MMP24: variants seen among roughly 807,000 people sequenced by gnomAD.
MMP24 encodes matrix metallopeptidase 24.
In MMP24, 25 loss-of-function variants were observed where a neutral mutation model predicts 62.8. The ratio of observed to expected loss-of-function variants is 0.40; its 90% confidence interval spans 0.29 to 0.56. MMP24 has a LOEUF of 0.56. Among genes scored for constraint, MMP24 ranks in the 20% least tolerant of loss-of-function variants. MMP24 has a pLI of 0.50. For missense variants in MMP24, 634 were observed against 853.6 expected, an observed-to-expected ratio of 0.74 and a Z score of 3.21; for synonymous variants, 319 against 350.5, an observed-to-expected ratio of 0.91 and a Z score of 1.00.
intron 4 of MMP24, among the ~76,000 whole-genome samples, chr20:35,261,449 G>A (rs1367865082): frequency 1.3e-5 from 2 of 152,192 alleles, no homozygotes; most frequent in Admixed American, 6.5e-5. Context: ...AGGACATTGA[G>A]GCTTAGGGGT....
intron 1 of MMP24, among the ~76,000 whole-genome samples, chr20:35,234,222 C>T (rs774754820): frequency 2.6e-5 from 4 of 152,182 alleles, no homozygotes; most frequent in Non-Finnish European, 5.9e-5. Context: ...TGTTCATTCA[C>T]AGATGTCAGC....
chr20:35,227,723 G>A (rs1336822521), intron 1 of MMP24, among the ~76,000 whole-genome samples: 1 of 152,126 alleles, frequency 6.6e-6, no homozygotes, highest in African/African-American at 2.4e-5. Context: ...CACTCACTAT[G>A]TGCCAGGCCT....
chr20:35,270,441 A>T (rs1338082753), intron 7 of MMP24, among the ~76,000 whole-genome samples: 2 of 152,268 alleles, frequency 1.3e-5, no homozygotes, highest in East Asian at 1.9e-4. Flanking sequence ...CCTGATGGCC[A>T]CGGAGGCCCC....
At chr20:35,233,799 C>T (rs1270101603) in intron 1 of MMP24, among the ~76,000 whole-genome samples, 2 of 152,148 alleles carry the variant, frequency 1.3e-5, no homozygotes, top group Non-Finnish European at 2.9e-5. Context: ...GCCTGTGCAA[C>T]ATGGCAAAAC....
At position 35,274,845 on chromosome 20, in the gene MMP24, T is replaced by C. The variant is rs1295157944; in HGVS notation, c.*236T>C. ...TGCCAGCCTTCTGTCCTGGGCAAAC[T>C]ACTCCCTACTTAAGGGAATAGGCCA... On this transcript the variant is annotated 3_prime_UTR_variant, in exon 9 of 9. Coordinates refer to ENST00000246186, the MANE Select transcript of MMP24 (RefSeq NM_006690.4). The surrounding 1 kb of genome is among the most constrained non-coding windows in gnomAD (Gnocchi z 5.1). The C allele has an allele frequency of 5.4e-6, 3 of 557,106 alleles. No homozygotes were observed. The East Asian group carries it at 9.1e-5, about 17-fold the overall frequency. The allele number at this position is 557,106 out of a possible 1,614,324, so 34.5% of individuals were successfully genotyped here.
intron 1 of MMP24, among the ~76,000 whole-genome samples, chr20:35,244,376 A>T (rs1253632591): frequency 6.6e-6 from 1 of 151,922 alleles, no homozygotes; most frequent in Non-Finnish European, 1.5e-5. Flanking sequence ...CTGATGCCAC[A>T]CATATTTCCT....
chr20:35,227,097 C>A (rs2060417217), intron 1 of MMP24, 113 bp downstream of exon 1: 1 of 873,438 alleles, frequency 1.1e-6, no homozygotes, highest in Non-Finnish European at 1.4e-6. Context: ...GTCGCGGAGG[C>A]GGCGCGCCGG....
chr20:35,250,149 T>TTGA (rs1362755395), intron 2 of MMP24, among the ~76,000 whole-genome samples: 2 of 152,030 alleles, frequency 1.3e-5, no homozygotes, highest in African/African-American at 2.4e-5. Context: ...AGATAGGGTT[T>TTGA]TGCCATGTTG....
chr20:35,257,757 A>C (rs1056087685), intron 4 of MMP24, among the ~76,000 whole-genome samples: 3 of 152,192 alleles, frequency 2.0e-5, no homozygotes, highest in Non-Finnish European at 2.9e-5. Context: ...TTCATGAAAG[A>C]CTGCCAATTC....
chr20:35,271,630 G>A lies in MMP24; in HGVS notation c.1395G>A (p.Gly465=), dbSNP rs1464489370. Residue 465 remains glycine (G), a synonymous_variant, in exon 8 of 9, where the codon GGG becomes GGA. Coordinates refer to ENST00000246186, the MANE Select transcript of MMP24 (RefSeq NM_006690.4). The surrounding 1 kb of genome is among the most constrained non-coding windows in gnomAD (Gnocchi z 4.0). The part of the protein sequence containing the change: ...TVEPGYPHSL[G]ELGSCLPREG... ...AGCCTGGGTACCCCCACAGCCTGGGGGAGCTGGGCAGCTGTTTGCCCCGTG... is the reference window on the plus strand; with the variant it reads ...AGCCTGGGTACCCCCACAGCCTGGGAGAGCTGGGCAGCTGTTTGCCCCGTG... The A allele has an allele frequency of 6.2e-7, 1 of 1,611,948 alleles. No homozygotes were observed. Among genetic ancestry groups the A allele is most frequent in the Non-Finnish European group, 8.5e-7 (1 of 1,179,152 alleles).
At chr20:35,247,986 A>G (rs2060524319) in intron 2 of MMP24, among the ~76,000 whole-genome samples, 1 of 152,210 alleles carries the variant, frequency 6.6e-6, no homozygotes, top group Non-Finnish European at 1.5e-5. Context: ...AGAGTTGAAC[A>G]GCCTTAAACT....
rs1406428590 is a variant in MMP24, at chr20:35,271,602, T to C, written c.1367T>C (p.Val456Ala). 2 of 1,612,780 alleles carry C rather than the reference T, an allele frequency of 1.2e-6. No homozygotes were observed. Among genetic ancestry groups the C allele is most frequent in the African/African-American group, 2.7e-5 (2 of 74,900 alleles). Residue 456 changes from valine (V) to alanine (A), a missense_variant, in exon 8 of 9, where the codon GTG becomes GCG. By Grantham distance (64) the Val-to-Ala change is moderately conservative (BLOSUM62 0). This residue lies in a region of MMP24 where 399 missense variants were observed against 530.8 expected (regional missense o/e 0.75). Coordinates refer to ENST00000246186, the MANE Select transcript of MMP24 (RefSeq NM_006690.4). The surrounding 1 kb of genome is among the most constrained non-coding windows in gnomAD (Gnocchi z 4.0). ...TATTGGGTGTTTAAGGAGGTGACGG[T>C]GGAGCCTGGGTACCCCCACAGCCTG... ...DKYWVFKEVTVEPGYPHSLGE... is the reference protein window; with the variant it reads ...DKYWVFKEVTAEPGYPHSLGE...
At chr20:35,266,328 G>C (rs2060635273) in intron 5 of MMP24, among the ~76,000 whole-genome samples, 1 of 148,528 alleles carries the variant, frequency 6.7e-6, no homozygotes, top group South Asian at 2.2e-4. Context: ...CTCCAGCATG[G>C]GGGACGGAGC....
At position 35,270,644 on chromosome 20, in the gene MMP24, G is replaced by C. The variant is rs550453204; in HGVS notation, c.1333+746G>C. 5.6e-4 allele frequency among the ~76,000 whole-genome samples: 85 copies of C among 152,328 alleles called. 1 individual carries two copies. The Middle Eastern group carries it at 0.014, about 24-fold the overall frequency. On this transcript the variant is annotated intron_variant, in intron 7 of 8. Coordinates refer to ENST00000246186, the MANE Select transcript of MMP24 (RefSeq NM_006690.4). ...GCAGGGGCAGGGCAGCCATTTCTGAGGTGGTTCTGGAGCGCGCCACTCATG... is the reference window on the plus strand; with the variant it reads ...GCAGGGGCAGGGCAGCCATTTCTGACGTGGTTCTGGAGCGCGCCACTCATG...
chr20:35,255,136 G>T (rs1272170882), intron 4 of MMP24, among the ~76,000 whole-genome samples: 1 of 152,192 alleles, frequency 6.6e-6, no homozygotes, highest in Non-Finnish European at 1.5e-5. Context: ...TTCAAGACCA[G>T]CCTGGCCAAC....
chr20:35,253,095 G>A (rs1291652978), intron 3 of MMP24, among the ~76,000 whole-genome samples: 1 of 148,332 alleles, frequency 6.7e-6, no homozygotes, highest in Non-Finnish European at 1.5e-5. Flanking sequence ...GCTCAGGTGG[G>A]GCTGGGGCAA....
intron 4 of MMP24, among the ~76,000 whole-genome samples, chr20:35,261,862 G>A (rs1049071953): frequency 3.4e-5 from 5 of 147,220 alleles, no homozygotes; most frequent in South Asian, 2.2e-4. Flanking sequence ...GTGCAGTGGC[G>A]CGATCTTGGC....
chr20:35,240,175 G>A (rs564296642), intron 1 of MMP24, among the ~76,000 whole-genome samples: 3 of 152,082 alleles, frequency 2.0e-5, no homozygotes, highest in East Asian at 1.9e-4. Context: ...GCTGTCTCCC[G>A]CTCTCTTCCC....
In MMP24 at chr20:35,269,917, T is replaced by C. The variant is rs1165289574; in HGVS notation, c.1333+19T>C. 1.9e-6 allele frequency: 3 copies of C among 1,551,654 alleles called. No homozygotes were observed. In the East Asian group the frequency reaches 7.3e-5, roughly 38 times the overall value. On this transcript the variant is annotated intron_variant, in intron 7 of 8. Transcript: ENST00000246186. This position sits in a 1 kb window ranked among gnomAD's most constrained non-coding sequence, Gnocchi z 4.6. ...TTCAAAGGTAATGTAGACTGTGCTGTGGGACAGTTCCCTGCCCAAGGTCTT... is the reference window on the plus strand; with the variant it reads ...TTCAAAGGTAATGTAGACTGTGCTGCGGGACAGTTCCCTGCCCAAGGTCTT...
Sources: allele counts gnomAD v4.1 joint callset (sites outside exome capture counted in the v4.1 genomes callset), GRCh38; gene constraint gnomAD v4.1.1; regional missense constraint gnomAD v4.1.1; non-coding constraint Gnocchi (gnomAD v3.1); transcripts MANE v1.5; gene names NCBI Gene and HGNC (gene_info 2026-07-23, HGNC 2026-07-21).